The following KMT2C variants were observed in gnomAD, a reference collection of about 807,000 sequenced individuals.
KMT2C encodes lysine methyltransferase 2C, also known as histone-lysine N-methyltransferase 2C.
Under a neutral mutation model 507.9 loss-of-function variants are expected in KMT2C, and 88 were observed. The observed-to-expected ratio is 0.17, with a 90% CI of 0.15 to 0.21. The LOEUF is 0.21. Among genes scored for constraint, KMT2C ranks in the 10% least tolerant of loss-of-function variants. The pLI is 1.00. For missense variants in KMT2C, 4,954 were observed against 5,957.8 expected (o/e 0.83, Z 5.55); for synonymous variants, 2,049 against 2,080.8 (o/e 0.98, Z 0.42).
chr7:152,325,891 C>A (rs908710231), intron 3 of KMT2C, among the ~76,000 whole-genome samples: 2 of 151,400 alleles, frequency 1.3e-5, no homozygotes, highest in African/African-American at 4.8e-5. Flanking sequence ...CTGGAGTAGA[C>A]ATGAATAAAT....
rs2092557833 is a variant in KMT2C at position 152,163,334 on chromosome 7, G to A, written c.10243C>T (p.Leu3415Phe). 3 of 1,614,196 alleles carry A rather than the reference G, an allele frequency of 1.9e-6. No individual in the cohort carries two copies. The highest frequency in any genetic ancestry group is 2.5e-6 in the Non-Finnish European group (3 of 1,180,032). Residue 3415 changes from leucine (L) to phenylalanine (F), a missense_variant, in exon 43 of 59, where the codon CTC (leucine) becomes TTC (phenylalanine). Physicochemically the swap from Leu to Phe is conservative, Grantham distance 22. This residue lies in a region of KMT2C where 801 missense variants were observed against 751.2 expected (regional missense o/e 1.07). Coordinates refer to ENST00000262189, the MANE Select transcript of KMT2C (RefSeq NM_170606.3). ...REQQERQRIQ[L>F]MQEVDRQRAL... ...CTTTGTCTATCTACCTCCTGCATGA[G>A]TTGGATCCGTTGTCTCTCTTGCTGT... is the stretch of plus-strand genomic sequence containing the variant.
At position 152,281,937 on chromosome 7, in the gene KMT2C, C is replaced by A. The variant is rs2129181840; in HGVS notation, c.850-8070G>T. Among the ~76,000 whole-genome samples the A allele has an allele frequency of 1.3e-5, 2 of 152,116 alleles. 1 individual carries two copies. Among genetic ancestry groups the A allele is most frequent in the South Asian group, 4.1e-4 (2 of 4,824 alleles). On this transcript the variant is annotated intron_variant, in intron 6 of 58. Coordinates refer to ENST00000262189, the MANE Select transcript of KMT2C (RefSeq NM_170606.3). ...CAAGTAATAAAGACAAATTCATCGA[C>A]TATGGAAATGTACTAAGTACTTTGT... is the stretch of plus-strand genomic sequence containing the variant.
intron 6 of KMT2C, among the ~76,000 whole-genome samples, chr7:152,284,232 TTA>T (rs1554611833): frequency 5.3e-5 from 8 of 152,192 alleles, no homozygotes; most frequent in African/African-American, 1.9e-4. Context: ...AAAAAAATCT[TTA>T]TGTTTGGTTT....
intron 23 of KMT2C, among the ~76,000 whole-genome samples, chr7:152,215,700 TAC>T (rs1243828222): frequency 7.4e-6 from 1 of 135,772 alleles, no homozygotes; most frequent in African/African-American, 3.2e-5. Flanking sequence ...CACACACACA[TAC>T]ACACACAAAA....
chr7:152,288,888 TG>T (rs2096355801), intron 6 of KMT2C, among the ~76,000 whole-genome samples: 1 of 152,284 alleles, frequency 6.6e-6, no homozygotes, highest in African/African-American at 2.4e-5. Flanking sequence ...ATAACATTTT[TG>T]CAAGTCCTAA....
rs780614493 is a variant in KMT2C, at chr7:152,248,473, T to C, written c.1961A>G (p.Glu654Gly). 1 of 1,614,110 alleles carries C rather than the reference T, an allele frequency of 6.2e-7. No individual in the cohort carries two copies. Among genetic ancestry groups the C allele is most frequent in the Non-Finnish European group, 8.5e-7 (1 of 1,180,002 alleles). Reference sequence around the variant, plus strand: ...CACAGTGATCTGGTGTGTAACGACTTCAATGTTTTCTGTCACTTCCATTTT... The same window carrying C: ...CACAGTGATCTGGTGTGTAACGACTCCAATGTTTTCTGTCACTTCCATTTT... ...EDKMEVTENI[E>G]VVTHQITVQQ... Residue 654 changes from glutamate (E) to glycine (G), a missense_variant, in exon 14 of 59, where the codon GAA (glutamate) becomes GGA (glycine). This residue lies in a region of KMT2C where 376 missense variants were observed against 352.4 expected (regional missense o/e 1.07). Transcript: ENST00000262189.
intron 1 of KMT2C, among the ~76,000 whole-genome samples, chr7:152,383,059 A>T (rs2097387374): frequency 6.6e-6 from 1 of 152,310 alleles, no homozygotes; most frequent in East Asian, 1.9e-4. Context: ...TACAAACATG[A>T]TTCCACATAA....
chr7:152,424,448 G>T (rs1044399737), intron 1 of KMT2C, among the ~76,000 whole-genome samples: 3 of 151,756 alleles, frequency 2.0e-5, no homozygotes, highest in African/African-American at 7.3e-5. Flanking sequence ...AGAGAAACAA[G>T]GTTTCACTCT....
rs375211339 is a variant in KMT2C, at chr7:152,368,534, A to G, written c.162-9859T>C. On this transcript the variant is annotated intron_variant, in intron 1 of 58. Coordinates refer to ENST00000262189, the MANE Select transcript of KMT2C (RefSeq NM_170606.3). ...AAAAAGAATTTGGAAGCACAGCACA[A>G]AGAATTAGAGGAAAAACGTCGTCAG... 116 of 1,364,368 alleles carry G rather than the reference A, an allele frequency of 8.5e-5. No individual in the cohort carries two copies. The African/African-American group carries it at 1.5e-3, about 18-fold the overall frequency. 84.5% of individuals were successfully genotyped at this position (1,364,368 alleles called of 1,614,324 possible).
At chr7:152,203,964 C>A (rs1433737393) in intron 25 of KMT2C, among the ~76,000 whole-genome samples, 2 of 152,092 alleles carry the variant, frequency 1.3e-5, no homozygotes, top group African/African-American at 4.8e-5. Flanking sequence ...ACCTCAAACT[C>A]CAATTTTCAG....
intron 3 of KMT2C, among the ~76,000 whole-genome samples, chr7:152,324,457 A>G (rs2096805611): frequency 6.6e-6 from 1 of 151,916 alleles, no homozygotes; most frequent in Non-Finnish European, 1.5e-5. Context: ...GCCAATCAAA[A>G]ATAACATTCA....
At chr7:152,349,298 G>T (rs1589362678) in intron 2 of KMT2C, among the ~76,000 whole-genome samples, 1 of 151,928 alleles carries the variant, frequency 6.6e-6, no homozygotes, top group Non-Finnish European at 1.5e-5. Flanking sequence ...ATACAAAATA[G>T]CCAGGTGTGG....
chr7:152,270,045 T>C (rs2095932996), intron 7 of KMT2C, among the ~76,000 whole-genome samples: 1 of 152,158 alleles, frequency 6.6e-6, no homozygotes, highest in African/African-American at 2.4e-5. Context: ...TGTCATACAG[T>C]GTGAATTTAA....
intron 26 of KMT2C, among the ~76,000 whole-genome samples, chr7:152,200,739 A>C (rs1410148177): frequency 6.6e-6 from 1 of 152,208 alleles, no homozygotes; most frequent in African/African-American, 2.4e-5. Flanking sequence ...AAAAAAAATT[A>C]GAAAGTTCAA....
chr7:152,411,604 A>T (rs1178361637), intron 1 of KMT2C, among the ~76,000 whole-genome samples: 1 of 151,294 alleles, frequency 6.6e-6, no homozygotes, highest in Non-Finnish European at 1.5e-5. Context: ...ACCTAAAAAA[A>T]GGTGGGATGG....
At chr7:152,188,033 T>C (rs965282315) in intron 31 of KMT2C, among the ~76,000 whole-genome samples, 186 bp from the exon 32 acceptor site, 1 of 152,172 alleles carries the variant, frequency 6.6e-6, no homozygotes, top group Non-Finnish European at 1.5e-5. Flanking sequence ...TTTTCTTGTA[T>C]GCCAAGCTCC....
rs1053482216 is a variant in KMT2C, at chr7:152,187,771, A to G, written c.4737T>C (p.Pro1579=). The G allele has an allele frequency of 6.2e-6, 10 of 1,614,010 alleles. No individual in the cohort carries two copies. Among genetic ancestry groups the G allele is most frequent in the African/African-American group, 1.3e-5 (1 of 74,932 alleles). ...SPHLPHNSLP[P]GSGLGTFSAI... The stretch of plus-strand genomic sequence containing the variant: ...CAGAGAAAGTTCCCAGTCCGCTTCC[A>G]GGTGGCAAAGAATTATGTGGGAGAT... The change falls in exon 32 of 59, where the codon CCT becomes CCC. Residue 1579 remains proline, a synonymous_variant. Transcript: ENST00000262189.
intron 14 of KMT2C, among the ~76,000 whole-genome samples, chr7:152,242,879 C>T (rs1202409019): frequency 6.6e-6 from 1 of 152,204 alleles, no homozygotes; most frequent in African/African-American, 2.4e-5. Context: ...AAATCAACCC[C>T]AGCCCCACAC....
chr7:152,205,274 T>C (rs781359620), intron 24 of KMT2C, 49 bp from the exon 25 acceptor site: 12 of 1,541,584 alleles, frequency 7.8e-6, no homozygotes, highest in Non-Finnish European at 1.1e-5. Flanking sequence ...TCTCCCTACA[T>C]TTCCACAGTA....
Sources: gnomAD v4.1 joint callset for allele counts (sites outside exome capture counted in the v4.1 genomes callset) on GRCh38, gnomAD v4.1.1 for gene constraint, gnomAD v4.1.1 regional missense constraint, MANE v1.5 for transcripts, NCBI Gene and HGNC (gene_info 2026-07-23, HGNC 2026-07-21) for gene names.